The following TMOD2 variants were observed in gnomAD, a reference collection of about 807,000 sequenced individuals.
TMOD2 encodes tropomodulin-2.
Under a neutral mutation model 39.9 loss-of-function variants are expected in TMOD2, and 22 were observed. That is an observed-to-expected ratio of 0.55 (90% CI 0.39 to 0.79). The LOEUF (loss-of-function observed/expected upper bound fraction) is 0.79, where lower values mean the gene tolerates loss of function less well. TMOD2 is among the 30% of genes least tolerant of loss of function. The pLI is 0.00. For synonymous variants in TMOD2, 123 were observed against 146.1 expected (o/e 0.84, Z 1.14); for missense variants, 386 against 413.3 (o/e 0.93, Z 0.57).
At chr15:51,753,303 G>C (rs935235064) in intron 1 of TMOD2, among the ~76,000 whole-genome samples, 1 of 152,132 alleles carries the variant, frequency 6.6e-6, no homozygotes, top group Non-Finnish European at 1.5e-5. Context: ...AGTTTACTCT[G>C]GGAAAATTTG....
chr15:51,793,285 C>T (rs1006006551), intron 7 of TMOD2, among the ~76,000 whole-genome samples: 1 of 152,192 alleles, frequency 6.6e-6, no homozygotes, highest in East Asian at 1.9e-4. Flanking sequence ...GTGGAACCAT[C>T]GTAAGTCAGG....
In TMOD2 at chr15:51,782,805, C is replaced by T. The variant is rs778136383; in HGVS notation, c.709C>T (p.Arg237Cys). 2 of 1,613,934 alleles carry T rather than the reference C, an allele frequency of 1.2e-6. No homozygotes were observed. Among genetic ancestry groups the T allele is most frequent in the South Asian group, 1.1e-5 (1 of 91,076 alleles). Residue 237 changes from arginine to cysteine, a missense_variant, in exon 7 of 10, where the codon CGC becomes TGC. Arg to Cys is a radical substitution (Grantham distance 180). Coordinates refer to ENST00000249700, the MANE Select transcript of TMOD2 (RefSeq NM_014548.4). ...HVKKFSLAATRSNDPVAIAFA... is the reference protein window; with the variant it reads ...HVKKFSLAATCSNDPVAIAFA... The stretch of plus-strand genomic sequence containing the variant: ...GAAGAAGTTCAGCCTGGCCGCAACT[C>T]GCAGCAATGACCCTGTGGCCATTGT...
At chr15:51,768,159 C>T in intron 2 of TMOD2, 103 bp from the exon 3 acceptor site, 1 of 1,361,772 alleles carries the variant, frequency 7.3e-7, no homozygotes, top group Non-Finnish European at 1.0e-6. Flanking sequence ...GCGTAGGTAT[C>T]CTTCCTGCTT....
intron 1 of TMOD2, among the ~76,000 whole-genome samples, chr15:51,765,944 A>T (rs774419525): frequency 1.9e-4 from 29 of 152,234 alleles, no homozygotes; most frequent in Non-Finnish European, 3.8e-4. Flanking sequence ...TATGCTTCTT[A>T]CAACTGCCTT....
rs1488639615 is a variant in TMOD2 at position 51,808,608 on chromosome 15, T to C, written c.*154T>C. 4 of 506,986 alleles carry C rather than the reference T, an allele frequency of 7.9e-6. No homozygotes were observed. The highest frequency in any genetic ancestry group is 1.4e-5 in the Non-Finnish European group (4 of 295,698). 31.4% of individuals were successfully genotyped at this position (506,986 alleles called of 1,614,324 possible). A position where few individuals can be genotyped will look rare whatever the true frequency, so the allele number is the denominator to read the frequency against. The stretch of plus-strand genomic sequence containing the variant: ...ATTGTTATTCTTTTTTAGCACTACT[T>C]ATTTATCTTGGATTTTGTAATATAT... On this transcript the variant is annotated 3_prime_UTR_variant, in exon 10 of 10. Coordinates refer to ENST00000249700, the MANE Select transcript of TMOD2 (RefSeq NM_014548.4).
chr15:51,801,283 A>ACACACACACACACC (rs1484824575), intron 8 of TMOD2, among the ~76,000 whole-genome samples: 2 of 125,954 alleles, frequency 1.6e-5, no homozygotes, highest in African/African-American at 6.2e-5. Context: ...ACACACACAC[A>ACACACACACACACC]CCCTGTCTCT....
At chr15:51,781,454 T>C (rs1223330680) in intron 6 of TMOD2, among the ~76,000 whole-genome samples, 1 of 152,214 alleles carries the variant, frequency 6.6e-6, no homozygotes, top group African/African-American at 2.4e-5. Flanking sequence ...CAACAGACAT[T>C]TATTATTTCA....
intron 1 of TMOD2, among the ~76,000 whole-genome samples, chr15:51,757,259 G>GCT: frequency 1.3e-5 from 2 of 152,012 alleles, no homozygotes; most frequent in Admixed American, 1.3e-4. Flanking sequence ...AAAATTAGCT[G>GCT]GGCGTGGTGG....
intron 3 of TMOD2, among the ~76,000 whole-genome samples, chr15:51,770,080 C>G (rs1350922477): frequency 6.6e-6 from 1 of 152,116 alleles, no homozygotes; most frequent in Non-Finnish European, 1.5e-5. Context: ...TTCTTAAAGT[C>G]TCAAATCCTT....
In TMOD2 at chr15:51,816,101, G is replaced by A. The variant is rs2056186885; in HGVS notation, c.*7647G>A. 1 of 152,188 alleles carries A rather than the reference G, an allele frequency of 6.6e-6. No homozygotes were observed. The allele number at this position is 152,188 out of a possible 1,614,324, so 9.4% of individuals were successfully genotyped here. A position where few individuals can be genotyped will look rare whatever the true frequency, so the allele number is the denominator to read the frequency against. On this transcript the variant is annotated 3_prime_UTR_variant, in exon 10 of 10. Transcript: ENST00000249700. Reference sequence around the variant, plus strand: ...ACTGTGTGGAAAGTAAATGTGTGATGAAGCAAAATGTATAAAGTATGAAAT... The same window carrying A: ...ACTGTGTGGAAAGTAAATGTGTGATAAAGCAAAATGTATAAAGTATGAAAT...
Position 51,763,021 on chromosome 15 carries a change from G to A in TMOD2, c.-69-3352G>A, listed in dbSNP as rs375050341. 1.6e-3 allele frequency among the ~76,000 whole-genome samples: 238 copies of A among 151,726 alleles called. 1 individual carries two copies. Among genetic ancestry groups the A allele is most frequent in the African/African-American group, 5.6e-3 (231 of 41,368 alleles). On this transcript the variant is annotated intron_variant, in intron 1 of 9. Coordinates refer to ENST00000249700, the MANE Select transcript of TMOD2 (RefSeq NM_014548.4). Reference sequence around the variant, plus strand: ...TGCAATCATAGCTCACTGCATCCTCGACCTCCTGGCTGAAGCAATTCTCCC... The same window carrying A: ...TGCAATCATAGCTCACTGCATCCTCAACCTCCTGGCTGAAGCAATTCTCCC...
At position 51,776,935 on chromosome 15, in the gene TMOD2, T is replaced by A. The variant is rs887163192; in HGVS notation, c.410T>A (p.Val137Asp). The A allele has an allele frequency of 4.3e-6, 7 of 1,613,662 alleles. No homozygotes were observed. Among genetic ancestry groups the A allele is most frequent in the Non-Finnish European group, 5.9e-6 (7 of 1,179,642 alleles). ...CTCATTTGTTGACTGTTTTTAGCTG[T>A]CCTTGGAGTACACAATTTGCTCAAC... ...SDTELYDLAA[V>D]LGVHNLLNNP... Residue 137 changes from valine to aspartate, a missense_variant, in exon 5 of 10, where the codon GTC becomes GAC. Val to Asp is a radical substitution (Grantham distance 152). Coordinates refer to ENST00000249700, the MANE Select transcript of TMOD2 (RefSeq NM_014548.4).
intron 1 of TMOD2, among the ~76,000 whole-genome samples, chr15:51,757,401 CAAAAAAA>C (rs3078133): frequency 3.7e-5 from 3 of 81,906 alleles, no homozygotes; most frequent in Non-Finnish European, 7.0e-5. Context: ...GACTCCGTCT[CAAAAAAA>C]AAAAAAAAAA....
intron 8 of TMOD2, among the ~76,000 whole-genome samples, chr15:51,800,284 C>T (rs1179043800): frequency 6.6e-6 from 1 of 152,182 alleles, no homozygotes; most frequent in Admixed American, 6.5e-5. Flanking sequence ...CCTGTAATCC[C>T]AGCACTTTGG....
intron 7 of TMOD2, among the ~76,000 whole-genome samples, chr15:51,795,577 G>GCTTGCTTGCTTT (rs1491143300): frequency 7.1e-5 from 3 of 42,094 alleles, no homozygotes; most frequent in East Asian, 4.2e-4. Flanking sequence ...TTGCTTGCTT[G>GCTTGCTTGCTTT]CTTTCTTTCT....
intron 1 of TMOD2, among the ~76,000 whole-genome samples, chr15:51,751,947 G>T (rs1595857738): frequency 6.6e-6 from 1 of 151,204 alleles, no homozygotes; most frequent in South Asian, 2.1e-4. Flanking sequence ...GCCCGCCGGG[G>T]TGTGAGTCCC....
At chr15:51,790,621 C>T (rs191185395) in intron 7 of TMOD2, among the ~76,000 whole-genome samples, 1 of 152,228 alleles carries the variant, frequency 6.6e-6, no homozygotes, top group East Asian at 1.9e-4. Flanking sequence ...TACTGGCAAA[C>T]CGAATCCAGC....
At chr15:51,798,596 C>G (rs2056067939) in intron 8 of TMOD2, among the ~76,000 whole-genome samples, 1 of 152,194 alleles carries the variant, frequency 6.6e-6, no homozygotes, top group Non-Finnish European at 1.5e-5. Flanking sequence ...TAGTCAGGCT[C>G]CAGAAGAGAA....
intron 7 of TMOD2, among the ~76,000 whole-genome samples, chr15:51,787,386 G>T (rs1436218559): frequency 6.6e-6 from 1 of 152,256 alleles, no homozygotes; most frequent in Non-Finnish European, 1.5e-5. Context: ...GCTCAGGAAG[G>T]CCTACTGCCT....
Sources: allele counts gnomAD v4.1 joint callset (sites outside exome capture counted in the v4.1 genomes callset), GRCh38; gene constraint gnomAD v4.1.1; transcripts MANE v1.5; gene names NCBI Gene and HGNC (gene_info 2026-07-23, HGNC 2026-07-21).